FREM1: variants seen among roughly 807,000 people sequenced by gnomAD.
The protein encoded by FREM1 is FRAS1 related extracellular matrix 1, also known as FRAS1-related extracellular matrix protein 1.
Under a neutral mutation model 210.1 loss-of-function variants are expected in FREM1, and 220 were observed. The ratio of observed to expected loss-of-function variants is 1.05; its 90% confidence interval spans 0.94 to 1.17. The LOEUF is 1.17. Among genes scored for constraint, FREM1 ranks in the 50% most tolerant of loss-of-function variants. The probability of loss-of-function intolerance (pLI) is 0.00; values close to 1 mark genes in which losing one functional copy is unlikely to be tolerated. For synonymous variants in FREM1, 1,189 were observed against 980.2 expected (o/e 1.21, Z -3.98); for missense variants, 3,454 against 2,675.5 (o/e 1.29, Z -6.42).
At chr9:14,900,507 C>A (rs1838590340) in intron 1 of FREM1, among the ~76,000 whole-genome samples, 1 of 152,098 alleles carries the variant, frequency 6.6e-6, no homozygotes, top group Admixed American at 6.5e-5. Flanking sequence ...AGGACTAGGG[C>A]TGGGGATGCC....
chr9:14,861,068 T>TATAC (rs1455006021), intron 3 of FREM1, among the ~76,000 whole-genome samples: 21 of 56,156 alleles, frequency 3.7e-4, no homozygotes, highest in Middle Eastern at 0.013. Context: ...TATACACATA[T>TATAC]ACATATATAC....
upstream of FREM1, among the ~76,000 whole-genome samples, chr9:14,910,590 C>T (rs755174337): frequency 5.9e-5 from 9 of 152,072 alleles, no homozygotes; most frequent in African/African-American, 9.7e-5. Context: ...CATACAAACA[C>T]GATAGACACA....
chr9:14,869,117 C>A lies in FREM1; in HGVS notation c.-140G>T. On this transcript the variant is annotated 5_prime_UTR_variant, in exon 2 of 37. An upstream start codon of the reference 5' UTR is lost. Coordinates refer to ENST00000380880, the MANE Select transcript of FREM1 (RefSeq NM_001379081.2). ...CTGACAATGTGCCCCGAGATCTTAA[C>A]ATGCCCCTTTCATTTCAAAGTCAGA... The A allele has an allele frequency of 1.7e-6, 1 of 572,862 alleles. No individual in the cohort carries two copies. The highest frequency in any genetic ancestry group is 3.0e-6 in the Non-Finnish European group (1 of 327,904). The allele number at this position is 572,862 out of a possible 1,614,324, so 35.5% of individuals were successfully genotyped here.
intron 1 of FREM1, among the ~76,000 whole-genome samples, chr9:14,881,910 C>A (rs976408115): frequency 1.3e-5 from 2 of 152,240 alleles, no homozygotes. Context: ...ATGCTTCCCT[C>A]CATCTTGTTG....
chr9:14,852,526 A>C (rs1827967022), intron 5 of FREM1, among the ~76,000 whole-genome samples: 1 of 152,124 alleles, frequency 6.6e-6, no homozygotes, highest in African/African-American at 2.4e-5. Context: ...TATCTCTACA[A>C]AAAAAGTAAA....
chr9:14,806,162 C>T (rs1384662227), intron 18 of FREM1, among the ~76,000 whole-genome samples: 1 of 150,974 alleles, frequency 6.6e-6, no homozygotes, highest in Admixed American at 6.6e-5. Flanking sequence ...AGGGGGAAGT[C>T]AGAATAAAAA....
At chr9:14,860,748 T>C (rs1172621148) in intron 3 of FREM1, among the ~76,000 whole-genome samples, 2 of 119,682 alleles carry the variant, frequency 1.7e-5, no homozygotes, top group Non-Finnish European at 3.3e-5. Context: ...CACATATATA[T>C]GCACATATAT....
At chr9:14,830,825 G>C (rs1388769586) in intron 10 of FREM1, among the ~76,000 whole-genome samples, 1 of 152,236 alleles carries the variant, frequency 6.6e-6, no homozygotes, top group African/African-American at 2.4e-5. Context: ...TTGGTGCATT[G>C]AGGTACAGGA....
Position 14,794,918 on chromosome 9 carries a change from A to C in FREM1, c.3840-2034T>G, listed in dbSNP as rs1852079476. Among the ~76,000 whole-genome samples the C allele has an allele frequency of 2.6e-5, 4 of 151,328 alleles. No individual in the cohort carries two copies. In the East Asian group the frequency reaches 7.8e-4, roughly 30 times the overall value. On this transcript the variant is annotated intron_variant, in intron 21 of 36. Coordinates refer to ENST00000380880, the MANE Select transcript of FREM1 (RefSeq NM_001379081.2). ...GAGGCTGAGGCAGGAGAATGGTGTGAACCTGGGAGACAGAGCTTGCAGTGA... is the reference window on the plus strand; with the variant it reads ...GAGGCTGAGGCAGGAGAATGGTGTGCACCTGGGAGACAGAGCTTGCAGTGA...
In FREM1 at chr9:14,824,960, G is replaced by T. The variant is rs754363171; in HGVS notation, c.1914C>A (p.Asp638Glu). The T allele has an allele frequency of 6.2e-7, 1 of 1,603,762 alleles. No homozygotes were observed. The highest frequency in any genetic ancestry group is 8.5e-7 in the Non-Finnish European group (1 of 1,177,564). Residue 638 changes from aspartate to glutamate, a missense_variant, in exon 11 of 37, where the codon GAC (aspartate) becomes GAA (glutamate). Coordinates refer to ENST00000380880, the MANE Select transcript of FREM1 (RefSeq NM_001379081.2). ...CTCCAGGAGCCTCTTTTGGAAGCTG[G>T]TCATCCACTGGAGTTATATGGATTG... is the stretch of plus-strand genomic sequence containing the variant. ...VATIHITPVD[D>E]QLPKEAPGVS...
chr9:14,845,883 T>G, intron 8 of FREM1, 77 bp downstream of exon 8: 1 of 1,461,804 alleles, frequency 6.8e-7, no homozygotes, highest in Non-Finnish European at 9.4e-7. Context: ...AGATGCTACA[T>G]ATATCTGTTA....
Position 14,824,986 on chromosome 9 carries a change from T to C in FREM1, c.1888A>G (p.Thr630Ala), listed in dbSNP as rs1822065501. The C allele has an allele frequency of 6.4e-7, 1 of 1,572,842 alleles. No homozygotes were observed. Among genetic ancestry groups the C allele is most frequent in the African/African-American group, 1.4e-5 (1 of 72,168 alleles). Residue 630 changes from threonine (T) to alanine (A), a missense_variant, in exon 11 of 37, where the codon ACA becomes GCA. Thr to Ala is a moderately conservative substitution (Grantham distance 58). Transcript: ENST00000380880. ...TCATCCACTGGAGTTATATGGATTG[T>C]TGCCACCTGGAATAAAAATGTCTGT... ...PPNLSVPQVA[T>A]IHITPVDDQL...
At chr9:14,745,890 A>G (rs977733501) in intron 35 of FREM1, among the ~76,000 whole-genome samples, 2 of 152,186 alleles carry the variant, frequency 1.3e-5, no homozygotes, top group African/African-American at 2.4e-5. Flanking sequence ...TCATTGCTGT[A>G]TAATCGCATT....
Position 14,746,347 on chromosome 9 carries a change from C to T in FREM1, c.6254+6G>A, listed in dbSNP as rs549026774. The T allele has an allele frequency of 6.3e-7, 1 of 1,597,912 alleles. No homozygotes were observed. On this transcript the variant is annotated splice_donor_region_variant and intron_variant, in intron 35 of 36. Coordinates refer to ENST00000380880, the MANE Select transcript of FREM1 (RefSeq NM_001379081.2). ...CACCAATCAAATGTGCAATAGGGTG[C>T]CTTACTGTTCCCTGCAAGCTTGGGC...
In FREM1 at chr9:14,746,394, C is replaced by T. The variant is rs1259094534; in HGVS notation, c.6213G>A (p.Gln2071=). 2.5e-6 allele frequency: 4 copies of T among 1,613,922 alleles called. No individual in the cohort carries two copies. Among genetic ancestry groups the T allele is most frequent in the Non-Finnish European group, 2.5e-6 (3 of 1,179,796 alleles). Reference sequence around the variant, plus strand: ...GGGCAGCCGCATTCCAGGTGCCTTTCTGCTCTGTGATCAAGATGTGACAGT... The same window carrying T: ...GGGCAGCCGCATTCCAGGTGCCTTTTTGCTCTGTGATCAAGATGTGACAGT... ...SGYCHILITE[Q]KGTWNAAAQA... Residue 2071 remains glutamine, a synonymous_variant, in exon 35 of 37, where the codon CAG becomes CAA. Coordinates refer to ENST00000380880, the MANE Select transcript of FREM1 (RefSeq NM_001379081.2).
Position 14,859,492 on chromosome 9 carries a change from G to A in FREM1, c.330-8C>T. The A allele has an allele frequency of 4.4e-6, 7 of 1,606,066 alleles. No homozygotes were observed. Among genetic ancestry groups the A allele is most frequent in the Non-Finnish European group, 6.0e-6 (7 of 1,175,164 alleles). ...GTATCTCTTTCAGTAAATCTGTGGAGAACACAGGGCAAAAGCAATATTAAT... is the reference window on the plus strand; with the variant it reads ...GTATCTCTTTCAGTAAATCTGTGGAAAACACAGGGCAAAAGCAATATTAAT... On this transcript the variant is annotated splice_region_variant and splice_polypyrimidine_tract_variant and intron_variant, in intron 3 of 36. Coordinates refer to ENST00000380880, the MANE Select transcript of FREM1 (RefSeq NM_001379081.2).
chr9:14,835,869 A>C (rs764895419), intron 10 of FREM1, among the ~76,000 whole-genome samples: 1 of 152,158 alleles, frequency 6.6e-6, no homozygotes, highest in African/African-American at 2.4e-5. Context: ...CTTATCATAC[A>C]TTTGTCATTA....
At chr9:14,871,771 G>A (rs987656682) in intron 1 of FREM1, among the ~76,000 whole-genome samples, 2 of 142,232 alleles carry the variant, frequency 1.4e-5, no homozygotes, top group South Asian at 4.2e-4. Flanking sequence ...TTTCTTCTAC[G>A]GTTTTTACGG....
At chr9:14,840,939 G>A (rs1218133271) in intron 10 of FREM1, among the ~76,000 whole-genome samples, 1 of 152,166 alleles carries the variant, frequency 6.6e-6, no homozygotes, top group Non-Finnish European at 1.5e-5. Flanking sequence ...AATAGCTAAT[G>A]TATTTATTGA....
Sources: allele counts gnomAD v4.1 joint callset (sites outside exome capture counted in the v4.1 genomes callset), GRCh38; gene constraint gnomAD v4.1.1; transcripts MANE v1.5; gene names NCBI Gene and HGNC (gene_info 2026-07-23, HGNC 2026-07-21).